Variants in ANKRD13A observed in about 807,000 individuals in gnomAD.
ANKRD13A encodes the protein ankyrin repeat domain 13A, also known as ankyrin repeat domain-containing protein 13A.
ANKRD13A carries 48 observed loss-of-function variants against 81.3 expected under a neutral mutation model. That is an observed-to-expected ratio of 0.59 (90% CI 0.47 to 0.75). The LOEUF (loss-of-function observed/expected upper bound fraction) is 0.75, where lower values mean the gene tolerates loss of function less well. Among genes scored for constraint, ANKRD13A ranks in the 30% least tolerant of loss-of-function variants. ANKRD13A has a pLI of 0.00. For missense variants in ANKRD13A, 612 were observed against 734.0 expected (o/e 0.83, Z 1.92); for synonymous variants, 230 against 270.1 (o/e 0.85, Z 1.45).
intron 11 of ANKRD13A, among the ~76,000 whole-genome samples, chr12:110,030,007 A>G (rs1891580452): frequency 6.6e-6 from 1 of 152,198 alleles, no homozygotes; most frequent in Non-Finnish European, 1.5e-5. Context: ...ATATGTAAAT[A>G]TGATCTACGT....
At position 110,038,491 on chromosome 12, in the gene ANKRD13A, C is replaced by T. The variant is rs1892192203; in HGVS notation, c.*937C>T. On this transcript the variant is annotated 3_prime_UTR_variant, in exon 15 of 15. Transcript: ENST00000261739. Reference sequence around the variant, plus strand: ...CACGTAGACACCTAGGAAGAGCCCGCATGCCCTAGACTCACTCCAGAGGAA... The same window carrying T: ...CACGTAGACACCTAGGAAGAGCCCGTATGCCCTAGACTCACTCCAGAGGAA... 2.0e-5 allele frequency: 3 copies of T among 152,594 alleles called. No homozygotes were observed. In the South Asian group the frequency reaches 6.2e-4, roughly 32 times the overall value. The allele number at this position is 152,594 out of a possible 1,614,324, so 9.5% of individuals were successfully genotyped here.
chr12:110,036,791 T>C lies in ANKRD13A; in HGVS notation c.1577+463T>C, dbSNP rs185022734. ...AAAGTGTTGGCTCTCTTGCTTCCTC[T>C]TGTGGCAGTTACTTATAATAACTCT... On this transcript the variant is annotated intron_variant, in intron 14 of 14. Transcript: ENST00000261739. The surrounding 1 kb of genome is among the most constrained non-coding windows in gnomAD (Gnocchi z 4.6). Among the ~76,000 whole-genome samples, 28 of 152,238 alleles carry C rather than the reference T, an allele frequency of 1.8e-4. No individual in the cohort carries two copies. Among genetic ancestry groups the C allele is most frequent in the Admixed American group, 1.7e-3 (26 of 15,308 alleles).
chr12:110,035,408 C>G (rs939141060), intron 13 of ANKRD13A, among the ~76,000 whole-genome samples: 1 of 152,004 alleles, frequency 6.6e-6, no homozygotes, highest in Non-Finnish European at 1.5e-5. Flanking sequence ...AGTCTGAGAC[C>G]AGCCTGGGCA....
chr12:110,022,075 C>T (rs796522876), intron 6 of ANKRD13A: 8 of 152,126 alleles, frequency 5.3e-5, no homozygotes, highest in African/African-American at 1.9e-4. Context: ...GCAAAGTTAC[C>T]AAGGGCCACA....
chr12:110,013,194 A>G lies in ANKRD13A; in HGVS notation c.299A>G (p.His100Arg). 4 of 1,614,212 alleles carry G rather than the reference A, an allele frequency of 2.5e-6. No homozygotes were observed. The highest frequency in any genetic ancestry group is 3.4e-6 in the Non-Finnish European group (4 of 1,180,042). The change falls in exon 3 of 15, where the codon CAC (histidine) becomes CGC (arginine). Residue 100 changes from histidine to arginine, a missense_variant. Coordinates refer to ENST00000261739, the MANE Select transcript of ANKRD13A (RefSeq NM_033121.2). ...VYTVLQHRDY[H>R]NTSMALEGVP... ...ACAGTTCTCCAACATCGAGACTACC[A>G]CAACACATCCATGGCCCTTGAGGGA...
chr12:110,026,073 TG>T (rs1165305592), intron 8 of ANKRD13A, among the ~76,000 whole-genome samples: 2 of 151,772 alleles, frequency 1.3e-5, no homozygotes, highest in Admixed American at 6.6e-5. Flanking sequence ...GTGATTCTCC[TG>T]CCTCAGCCTC....
At chr12:110,009,451 A>G (rs1409037328) in intron 1 of ANKRD13A, among the ~76,000 whole-genome samples, 1 of 152,158 alleles carries the variant, frequency 6.6e-6, no homozygotes, top group Admixed American at 6.5e-5. Flanking sequence ...TCCTGATTTT[A>G]GTAAGTTAAG....
In ANKRD13A at chr12:110,036,381, A is replaced by G; in HGVS notation, c.1577+53A>G. ...AACCAGGGTGAACACAGGCCTGGAC[A>G]CAGGCGAGCAGACGCGTGGCACTGT... is the stretch of plus-strand genomic sequence containing the variant. On this transcript the variant is annotated intron_variant, in intron 14 of 14. Coordinates refer to ENST00000261739, the MANE Select transcript of ANKRD13A (RefSeq NM_033121.2). This position sits in a 1 kb window ranked among gnomAD's most constrained non-coding sequence, Gnocchi z 4.6. 1 of 1,555,904 alleles carries G rather than the reference A, an allele frequency of 6.4e-7. No individual in the cohort carries two copies. Among genetic ancestry groups the G allele is most frequent in the South Asian group, 1.1e-5 (1 of 89,880 alleles).
chr12:110,016,071 C>A (rs1430794528), intron 3 of ANKRD13A, among the ~76,000 whole-genome samples: 1 of 151,854 alleles, frequency 6.6e-6, no homozygotes, highest in Non-Finnish European at 1.5e-5. Context: ...CCCACCTCAG[C>A]CTCCTGAGTA....
At chr12:110,013,961 T>A (rs1400130277) in intron 3 of ANKRD13A, among the ~76,000 whole-genome samples, 1 of 152,154 alleles carries the variant, frequency 6.6e-6, no homozygotes, top group Non-Finnish European at 1.5e-5. Context: ...ATGCAGGGAT[T>A]TTCAGATTCT....
At chr12:110,027,888 A>G (rs1593224212) in intron 9 of ANKRD13A, 122 bp downstream of exon 9, 2 of 877,664 alleles carry the variant, frequency 2.3e-6, no homozygotes, top group African/African-American at 1.7e-5. Flanking sequence ...GATACCCCCA[A>G]GCTGGAATTT....
intron 10 of ANKRD13A, 152 bp downstream of exon 10, chr12:110,028,794 G>A: frequency 2.0e-5 from 22 of 1,106,650 alleles, no homozygotes; most frequent in Middle Eastern, 4.2e-4. Context: ...CTGGAGTGCA[G>A]TGGCACGAAC....
At chr12:110,002,024 C>T (rs1049678947) in intron 1 of ANKRD13A, among the ~76,000 whole-genome samples, 1 of 152,046 alleles carries the variant, frequency 6.6e-6, no homozygotes, top group Non-Finnish European at 1.5e-5. Context: ...AAGTGATCTG[C>T]CCGCCTCAGC....
chr12:110,037,540 C>G lies in ANKRD13A; in HGVS notation c.1759C>G (p.Leu587Val). 1 of 1,613,500 alleles carries G rather than the reference C, an allele frequency of 6.2e-7. No individual in the cohort carries two copies. Among genetic ancestry groups the G allele is most frequent in the South Asian group, 1.1e-5 (1 of 91,052 alleles). Residue 587 changes from leucine to valine, a missense_variant, in exon 15 of 15, where the codon CTC becomes GTC. Coordinates refer to ENST00000261739, the MANE Select transcript of ANKRD13A (RefSeq NM_033121.2). ...AELQQVLQLS[L>V]TDK is the part of the protein sequence containing the mutation. Reference sequence around the variant, plus strand: ...GCTCCAGCAAGTCTTACAGCTGTCACTCACTGACAAATAGACCTTTCAGCC... The same window carrying G: ...GCTCCAGCAAGTCTTACAGCTGTCAGTCACTGACAAATAGACCTTTCAGCC...
At position 110,039,369 on chromosome 12, in the gene ANKRD13A, C is replaced by CAT. The variant is rs914906555; in HGVS notation, c.*1820_*1821dup. The stretch of plus-strand genomic sequence containing the variant: ...TGTGTCAACCTGTTGCAGTGTTTTT[C>CAT]ATATATGTGTTCACTCTAAAAATGC... On this transcript the variant is annotated 3_prime_UTR_variant, in exon 15 of 15. Transcript: ENST00000261739. 26 of 152,330 alleles carry CAT rather than the reference C, an allele frequency of 1.7e-4. No individual in the cohort carries two copies. Among genetic ancestry groups the CAT allele is most frequent in the Middle Eastern group, 3.4e-3 (1 of 294 alleles). The allele number at this position is 152,330 out of a possible 1,614,324, so 9.4% of individuals were successfully genotyped here.
intron 6 of ANKRD13A, among the ~76,000 whole-genome samples, chr12:110,020,062 G>C (rs888790920): frequency 1.3e-5 from 2 of 152,184 alleles, no homozygotes; most frequent in African/African-American, 4.8e-5. Flanking sequence ...TGCCTAGGAT[G>C]TCACATCCAG....
At chr12:110,003,723 A>T (rs1460568918) in intron 1 of ANKRD13A, among the ~76,000 whole-genome samples, 1 of 152,232 alleles carries the variant, frequency 6.6e-6, no homozygotes, top group Non-Finnish European at 1.5e-5. Context: ...CTGGTTCTGC[A>T]GCCTGGCCTC....
intron 3 of ANKRD13A, among the ~76,000 whole-genome samples, chr12:110,015,257 A>G (rs1262846364): frequency 6.6e-6 from 1 of 152,202 alleles, no homozygotes. Context: ...GGGAAAATCA[A>G]CTTCCTGAGG....
In ANKRD13A at chr12:110,013,197, A is replaced by G. The variant is rs1593205749; in HGVS notation, c.302A>G (p.Asn101Ser). 1.2e-6 allele frequency: 2 copies of G among 1,614,164 alleles called. No homozygotes were observed. The highest frequency in any genetic ancestry group is 2.2e-5 in the East Asian group (1 of 44,878). ...YTVLQHRDYH[N>S]TSMALEGVPE... ...GTTCTCCAACATCGAGACTACCACA[A>G]CACATCCATGGCCCTTGAGGGAGTT... Residue 101 changes from asparagine (N) to serine (S), a missense_variant, in exon 3 of 15, where the codon AAC becomes AGC. By Grantham distance (46) the Asn-to-Ser change is conservative. Coordinates refer to ENST00000261739, the MANE Select transcript of ANKRD13A (RefSeq NM_033121.2).
Sources: allele counts gnomAD v4.1 joint callset (sites outside exome capture counted in the v4.1 genomes callset), GRCh38; gene constraint gnomAD v4.1.1; non-coding constraint Gnocchi (gnomAD v3.1); transcripts MANE v1.5; gene names NCBI Gene and HGNC (gene_info 2026-07-23, HGNC 2026-07-21).